The following CDH13 variants were observed in gnomAD, a reference collection of about 807,000 sequenced individuals.
CDH13 encodes the protein cadherin 13.
A neutral mutation model predicts 63.8 loss-of-function variants in CDH13; 24 were observed. That is an observed-to-expected ratio of 0.38 (90% CI 0.27 to 0.53). CDH13 has a LOEUF of 0.53. CDH13 is among the 20% of genes least tolerant of loss of function. CDH13 has a pLI of 0.85. For missense variants in CDH13, 1,049 were observed against 903.1 expected (o/e 1.16, Z -2.07); for synonymous variants, 503 against 355.3 (o/e 1.42, Z -4.67).
At chr16:82,714,712 TAAAAA>T (rs71146088) in intron 1 of CDH13, among the ~76,000 whole-genome samples, 42 of 30,018 alleles carry the variant, frequency 1.4e-3, no homozygotes, top group African/African-American at 4.6e-3. Context: ...AGACTCCATC[TAAAAA>T]AAAAAAAAAA....
At chr16:83,324,040 C>CTTTT (rs200015057) in intron 5 of CDH13, among the ~76,000 whole-genome samples, 3 of 141,352 alleles carry the variant, frequency 2.1e-5, no homozygotes. Flanking sequence ...TCTTCTTCTT[C>CTTTT]TTTTTTTTTT....
intron 2 of CDH13, among the ~76,000 whole-genome samples, chr16:83,014,743 AATAT>A (rs71146101): frequency 0.063 from 2,103 of 33,150 alleles, 94 homozygotes; most frequent in Non-Finnish European, 0.09. Context: ...AAAAAAAAAA[AATAT>A]ATATATATAT....
At chr16:83,669,662 C>A (rs1241142439) in intron 8 of CDH13, among the ~76,000 whole-genome samples, 1 of 152,164 alleles carries the variant, frequency 6.6e-6, no homozygotes, top group Admixed American at 6.5e-5. Flanking sequence ...CCCTGAGAGG[C>A]CTCAGGATTA....
intron 1 of CDH13, among the ~76,000 whole-genome samples, chr16:82,671,572 C>G (rs1468427086): frequency 6.6e-6 from 1 of 152,198 alleles, no homozygotes; most frequent in Non-Finnish European, 1.5e-5. Flanking sequence ...ACCTAGTCTT[C>G]AGATACATAG....
chr16:83,314,655 A>G (rs1334273403), intron 5 of CDH13, among the ~76,000 whole-genome samples: 1 of 152,178 alleles, frequency 6.6e-6, no homozygotes, highest in African/African-American at 2.4e-5. Context: ...CTTCCAACAC[A>G]AGAAAAGAAA....
chr16:83,466,445 A>G (rs1310361402), intron 6 of CDH13, among the ~76,000 whole-genome samples: 4 of 152,202 alleles, frequency 2.6e-5, no homozygotes, highest in African/African-American at 7.2e-5. Flanking sequence ...CCTTCCTATG[A>G]TCCACTGTCA....
intron 5 of CDH13, among the ~76,000 whole-genome samples, chr16:83,282,049 T>C (rs1431780300): frequency 3.3e-5 from 5 of 152,148 alleles, no homozygotes. Flanking sequence ...TTAATTTAAA[T>C]ATTGTGATAT....
chr16:83,146,372 C>G (rs2036752198), intron 4 of CDH13, among the ~76,000 whole-genome samples: 1 of 152,194 alleles, frequency 6.6e-6, no homozygotes, highest in South Asian at 2.1e-4. Context: ...GTCTGTCTCA[C>G]ATAGCAAGAA....
intron 4 of CDH13, among the ~76,000 whole-genome samples, chr16:83,167,551 C>T (rs1389756217): frequency 6.7e-6 from 1 of 149,214 alleles, no homozygotes; most frequent in Non-Finnish European, 1.5e-5. Flanking sequence ...CCTGGGCTCC[C>T]GTGTTGGCTT....
At chr16:83,103,718 A>G (rs1226725827) in intron 3 of CDH13, among the ~76,000 whole-genome samples, 1 of 152,208 alleles carries the variant, frequency 6.6e-6, no homozygotes, top group South Asian at 2.1e-4. Context: ...CACTTTCCTC[A>G]TCTGTAGTAT....
chr16:83,522,030 C>T (rs62042282), intron 7 of CDH13, among the ~76,000 whole-genome samples: 10,809 of 152,226 alleles, frequency 0.071, 401 homozygotes, highest in Middle Eastern at 0.18. Flanking sequence ...CTGTTAAATG[C>T]CTGCATTCGG....
At chr16:82,911,091 A>G (rs1646979259) in intron 2 of CDH13, among the ~76,000 whole-genome samples, 2 of 152,176 alleles carry the variant, frequency 1.3e-5, no homozygotes, top group South Asian at 4.1e-4. Context: ...GAGTCCCTAG[A>G]TCGTAAGTTG....
intron 11 of CDH13, among the ~76,000 whole-genome samples, chr16:83,772,417 C>G (rs914281977): frequency 2.6e-5 from 4 of 152,120 alleles, no homozygotes; most frequent in African/African-American, 4.8e-5. Context: ...CACTGGACAT[C>G]CCAGAAACAC....
intron 3 of CDH13, among the ~76,000 whole-genome samples, chr16:83,033,719 C>A (rs748097474): frequency 6.6e-6 from 1 of 152,168 alleles, no homozygotes; most frequent in African/African-American, 2.4e-5. Flanking sequence ...TTGTGCCATT[C>A]GGAGACTTTT....
chr16:83,140,538 C>T (rs577777009), intron 4 of CDH13, among the ~76,000 whole-genome samples: 3 of 152,290 alleles, frequency 2.0e-5, no homozygotes, highest in South Asian at 4.1e-4. Flanking sequence ...ACTACAACCT[C>T]GCTGTCTCAG....
At chr16:83,469,742 G>C (rs1032655991) in intron 6 of CDH13, among the ~76,000 whole-genome samples, 13 of 152,174 alleles carry the variant, frequency 8.5e-5, no homozygotes, top group Admixed American at 8.5e-4. Context: ...ATAAAGACTG[G>C]GGTTGAATAA....
At position 83,800,057 on chromosome 16, in the gene CDH13, A is replaced by G. The variant is rs1030496805; in HGVS notation, c.*5027A>G. ...ATACTATGTTGCTATCATCACATCT[A>G]TCGTTGGAGGGTTGCTGAGCTTGAT... On this transcript the variant is annotated 3_prime_UTR_variant, in exon 14 of 14. Transcript: ENST00000567109. 7.2e-5 allele frequency: 11 copies of G among 152,188 alleles called. No individual in the cohort carries two copies. The highest frequency in any genetic ancestry group is 2.4e-4 in the African/African-American group (10 of 41,436). 9.4% of individuals were successfully genotyped at this position (152,188 alleles called of 1,614,324 possible).
intron 1 of CDH13, among the ~76,000 whole-genome samples, chr16:82,650,501 C>T (rs928336911): frequency 2.6e-5 from 4 of 152,186 alleles, no homozygotes; most frequent in Admixed American, 6.5e-5. Flanking sequence ...GTCCTAAAAG[C>T]CTCATTAACC....
intron 1 of CDH13, among the ~76,000 whole-genome samples, chr16:82,850,706 A>G (rs1440435979): frequency 6.6e-6 from 1 of 152,156 alleles, no homozygotes; most frequent in Non-Finnish European, 1.5e-5. Context: ...TTGTTTTCTT[A>G]TTTTAAGAAA....
Sources: allele counts gnomAD v4.1 joint callset (sites outside exome capture counted in the v4.1 genomes callset), GRCh38; gene constraint gnomAD v4.1.1; transcripts MANE v1.5; gene names NCBI Gene and HGNC (gene_info 2026-07-23, HGNC 2026-07-21).